The following DOK5 variants were observed in gnomAD, a reference collection of about 807,000 sequenced individuals.
DOK5 encodes downstream of tyrosine kinase 5.
Under a neutral mutation model 43.3 loss-of-function variants are expected in DOK5, and 27 were observed. The observed-to-expected ratio is 0.62, with a 90% CI of 0.46 to 0.86. DOK5 has a LOEUF of 0.86. Ranked by LOEUF, DOK5 falls within the 40% of genes least tolerant of loss-of-function variation. DOK5 has a pLI of 0.00. For missense variants in DOK5, 373 were observed against 392.9 expected, an observed-to-expected ratio of 0.95 and a Z score of 0.43; for synonymous variants, 146 against 140.1, an observed-to-expected ratio of 1.04 and a Z score of -0.30.
chr20:54,550,797 A>G (rs1397091155), intron 1 of DOK5, among the ~76,000 whole-genome samples: 1 of 152,196 alleles, frequency 6.6e-6, no homozygotes, highest in African/African-American at 2.4e-5. Context: ...ATTCACCCAC[A>G]GAAGGATTTC....
At chr20:54,590,634 A>G (rs1351275529) in intron 4 of DOK5, among the ~76,000 whole-genome samples, 1 of 152,194 alleles carries the variant, frequency 6.6e-6, no homozygotes, top group Non-Finnish European at 1.5e-5. Flanking sequence ...ATCGCGGAAC[A>G]CATTTCATGA....
intron 2 of DOK5, among the ~76,000 whole-genome samples, chr20:54,574,755 G>C (rs567847360): frequency 2.4e-4 from 36 of 152,184 alleles, no homozygotes; most frequent in African/African-American, 8.7e-4. Flanking sequence ...AGGACAAATT[G>C]GGGGATTAAA....
intron 1 of DOK5, among the ~76,000 whole-genome samples, chr20:54,513,462 CAAAAAAAAAAAA>C (rs1011871917): frequency 8.1e-4 from 20 of 24,624 alleles, no homozygotes; most frequent in African/African-American, 2.0e-3. Flanking sequence ...ATACTCTGAG[CAAAAAAAAAAAA>C]AAAAAAAAAA....
chr20:54,553,638 T>C (rs1984607998), intron 1 of DOK5, among the ~76,000 whole-genome samples: 1 of 150,558 alleles, frequency 6.6e-6, no homozygotes, highest in South Asian at 2.1e-4. Flanking sequence ...GGCTCACGTC[T>C]GTAAGCCCAG....
chr20:54,535,888 A>G (rs1236981669), intron 1 of DOK5, among the ~76,000 whole-genome samples: 1 of 152,194 alleles, frequency 6.6e-6, no homozygotes, highest in African/African-American at 2.4e-5. Flanking sequence ...TAAATATGTT[A>G]AGGCATGTTT....
chr20:54,634,332 AG>A (rs1978714088), intron 6 of DOK5, among the ~76,000 whole-genome samples: 1 of 145,234 alleles, frequency 6.9e-6, no homozygotes, highest in African/African-American at 2.5e-5. Context: ...GGGCGGGGGC[AG>A]GGGACCATGC....
At chr20:54,588,400 G>C in intron 2 of DOK5, 83 bp from the exon 3 acceptor site, 2 of 1,125,614 alleles carry the variant, frequency 1.8e-6, no homozygotes, top group South Asian at 1.3e-5. Flanking sequence ...GTGCCATACT[G>C]ATTTCCGGGC....
chr20:54,646,892 CTT>C (rs11483952), intron 7 of DOK5, among the ~76,000 whole-genome samples: 39 of 138,102 alleles, frequency 2.8e-4, no homozygotes, highest in African/African-American at 7.8e-4. Context: ...GAATTTCAGG[CTT>C]TTTTTTTTTT....
chr20:54,590,406 G>A (rs1316177411), intron 4 of DOK5, among the ~76,000 whole-genome samples: 1 of 151,166 alleles, frequency 6.6e-6, no homozygotes, highest in Non-Finnish European at 1.5e-5. Flanking sequence ...CTCCCCTATT[G>A]TTATTCTTGA....
intron 5 of DOK5, among the ~76,000 whole-genome samples, chr20:54,604,575 T>C (rs940155296): frequency 1.3e-5 from 2 of 152,252 alleles, no homozygotes; most frequent in Admixed American, 1.3e-4. Context: ...TCACAGCGGC[T>C]GTTATGCTTT....
intron 1 of DOK5, among the ~76,000 whole-genome samples, chr20:54,551,415 T>G (rs1032891116): frequency 6.6e-6 from 1 of 152,206 alleles, no homozygotes; most frequent in Non-Finnish European, 1.5e-5. Flanking sequence ...TGAGGTCCAG[T>G]TTTTCAAATT....
intron 2 of DOK5, among the ~76,000 whole-genome samples, chr20:54,558,174 A>G (rs1984778183): frequency 6.6e-6 from 1 of 152,238 alleles, no homozygotes; most frequent in South Asian, 2.1e-4. Context: ...GCAGTGATGG[A>G]AGCAGAAAAA....
chr20:54,576,667 G>A (rs1443753480), intron 2 of DOK5, among the ~76,000 whole-genome samples: 1 of 152,154 alleles, frequency 6.6e-6, no homozygotes, highest in African/African-American at 2.4e-5. Flanking sequence ...CTGGCATGCC[G>A]ATTCCTATGC....
At chr20:54,569,680 G>A (rs1985221117) in intron 2 of DOK5, among the ~76,000 whole-genome samples, 1 of 152,156 alleles carries the variant, frequency 6.6e-6, no homozygotes, top group South Asian at 2.1e-4. Context: ...CCTCATGTCA[G>A]ATTCCATTCT....
At chr20:54,508,690 C>T (rs138557937) in intron 1 of DOK5, among the ~76,000 whole-genome samples, 244 of 152,248 alleles carry the variant, frequency 1.6e-3, no homozygotes, top group African/African-American at 5.8e-3. Flanking sequence ...AAGTGATTCT[C>T]CTGTCTCAGC....
intron 6 of DOK5, among the ~76,000 whole-genome samples, chr20:54,623,961 C>A (rs115490953): frequency 0.02 from 3,041 of 152,268 alleles, 105 homozygotes; most frequent in African/African-American, 0.069. Flanking sequence ...GGGATATAAA[C>A]AGGAAACACC....
rs760613987 is a variant in DOK5, at chr20:54,588,531, A to G, written c.223A>G (p.Thr75Ala). 6.2e-7 allele frequency: 1 copy of G among 1,614,194 alleles called. No individual in the cohort carries two copies. The highest frequency in any genetic ancestry group is 8.5e-7 in the Non-Finnish European group (1 of 1,180,010). ...VKNVARLPKSTKKHAIGIYFN... is the reference protein window; with the variant it reads ...VKNVARLPKSAKKHAIGIYFN... ...GAACGTAGCTCGATTGCCAAAAAGC[A>G]CCAAGAAACATGCCATAGGGATTTA... Residue 75 changes from threonine (T) to alanine (A), a missense_variant, in exon 3 of 8, where the codon ACC becomes GCC. Thr to Ala is a moderately conservative substitution (Grantham distance 58). Transcript: ENST00000262593.
intron 2 of DOK5, among the ~76,000 whole-genome samples, chr20:54,557,287 C>T (rs2146732212): frequency 1.3e-5 from 2 of 152,284 alleles, no homozygotes; most frequent in South Asian, 4.1e-4. Flanking sequence ...GGGTTGGGGG[C>T]AGGATTGGTT....
intron 1 of DOK5, among the ~76,000 whole-genome samples, chr20:54,548,921 G>A (rs2146722942): frequency 6.6e-6 from 1 of 152,326 alleles, no homozygotes; most frequent in South Asian, 2.1e-4. Flanking sequence ...TCTTAGGACA[G>A]TGTGCTGGCA....
Sources: allele counts gnomAD v4.1 joint callset (sites outside exome capture counted in the v4.1 genomes callset), GRCh38; gene constraint gnomAD v4.1.1; transcripts MANE v1.5; gene names NCBI Gene and HGNC (gene_info 2026-07-23, HGNC 2026-07-21).